Variants in EPM2A observed in about 807,000 individuals in gnomAD.
The protein encoded by EPM2A is EPM2A glucan phosphatase, laforin, also known as laforin.
In EPM2A, 21 loss-of-function variants were observed where a neutral mutation model predicts 26.5. The observed-to-expected ratio is 0.79, with a 90% CI of 0.56 to 1.14. EPM2A has a LOEUF of 1.14. EPM2A is among the 50% of genes most tolerant of loss of function. The probability of loss-of-function intolerance (pLI) is 0.00; values close to 1 mark genes in which losing one functional copy is unlikely to be tolerated. For synonymous variants in EPM2A, 217 were observed against 177.6 expected, an observed-to-expected ratio of 1.22 and a Z score of -1.76; for missense variants, 458 against 440.8, an observed-to-expected ratio of 1.04 and a Z score of -0.35.
At position 145,729,184 on chromosome 6, in the gene EPM2A, A is replaced by T. The variant is rs369292766; in HGVS notation, c.301+6014T>A. 1.4e-4 allele frequency among the ~76,000 whole-genome samples: 22 copies of T among 152,348 alleles called. No individual in the cohort carries two copies. The South Asian group carries it at 2.5e-3, about 17-fold the overall frequency. ...CCAGGCAGAAGTCTGCTGCAGCAGC[A>T]GAGCCCTCAGTGAGAACCTCTACTA... On this transcript the variant is annotated intron_variant, in intron 1 of 3. Coordinates refer to ENST00000367519, the MANE Select transcript of EPM2A (RefSeq NM_005670.4).
intron 2 of EPM2A, among the ~76,000 whole-genome samples, chr6:145,667,030 T>C (rs368457951): frequency 1.3e-4 from 16 of 127,126 alleles, no homozygotes; most frequent in Non-Finnish European, 9.6e-5. Flanking sequence ...GGATTAAAGA[T>C]TTAAATGTTA....
intron 4 of EPM2A, among the ~76,000 whole-genome samples, chr6:145,461,104 C>A (rs1779324424): frequency 6.6e-6 from 1 of 152,152 alleles, no homozygotes; most frequent in Non-Finnish European, 1.5e-5. Flanking sequence ...GTATTCTCAA[C>A]CTTTATCAAC....
intron 4 of EPM2A, among the ~76,000 whole-genome samples, chr6:145,482,900 A>G (rs1457747876): frequency 2.0e-5 from 3 of 150,410 alleles, no homozygotes; most frequent in Non-Finnish European, 4.4e-5. Context: ...GAACAGCTTC[A>G]AGGGCAAGCA....
downstream of EPM2A, among the ~76,000 whole-genome samples, chr6:145,621,880 T>C (rs1400784204): frequency 4.6e-5 from 7 of 152,220 alleles, no homozygotes; most frequent in Non-Finnish European, 2.9e-5. Context: ...AAATATTCCA[T>C]TGTGTAGGTT....
In EPM2A at chr6:145,465,789, G is replaced by C. The variant is rs1174675859; in HGVS notation, c.555+36733C>G. Among the ~76,000 whole-genome samples, 4 of 152,024 alleles carry C rather than the reference G, an allele frequency of 2.6e-5. No homozygotes were observed. In the East Asian group the frequency reaches 5.8e-4, roughly 22 times the overall value. ...AGCATGGTACTGGTACCAAAACAGA[G>C]ATATAGATCAATGGAACAGAACAGA... is the stretch of plus-strand genomic sequence containing the variant. On this transcript the variant is annotated intron_variant, in intron 4 of 4. Coordinates refer to the EPM2A transcript ENST00000638717.
chr6:145,426,149 C>T (rs910776227), intron 4 of EPM2A, among the ~76,000 whole-genome samples: 1 of 152,202 alleles, frequency 6.6e-6, no homozygotes, highest in Non-Finnish European at 1.5e-5. Context: ...GCAATCTTCA[C>T]TCTCAGAAAA....
chr6:145,396,943 C>A (rs1778413036), intron 4 of EPM2A, among the ~76,000 whole-genome samples: 1 of 152,312 alleles, frequency 6.6e-6, no homozygotes, highest in South Asian at 2.1e-4. Flanking sequence ...TGTTTAAAAC[C>A]TGGCCAATCC....
At chr6:145,696,820 TG>T (rs1781613928) in intron 1 of EPM2A, among the ~76,000 whole-genome samples, 2 of 139,298 alleles carry the variant, frequency 1.4e-5, no homozygotes, top group African/African-American at 5.5e-5. Context: ...TGTGTGTGTG[TG>T]TGTGTGGTGT....
intron 4 of EPM2A, among the ~76,000 whole-genome samples, chr6:145,479,317 G>GTA (rs146664619): frequency 0.026 from 3,811 of 145,356 alleles, 81 homozygotes; most frequent in East Asian, 0.092. Flanking sequence ...ATATATATGT[G>GTA]TATATATATA....
intron 2 of EPM2A, among the ~76,000 whole-genome samples, chr6:145,656,349 G>A (rs1021619916): frequency 1.3e-5 from 2 of 152,222 alleles, no homozygotes; most frequent in African/African-American, 4.8e-5. Context: ...CCTCCACAGT[G>A]TGGAGAAAGG....
At chr6:145,386,104 T>A (rs754074541) in intron 4 of EPM2A, among the ~76,000 whole-genome samples, 2 of 151,806 alleles carry the variant, frequency 1.3e-5, no homozygotes, top group African/African-American at 4.8e-5. Flanking sequence ...TTTAAAATAA[T>A]AAAAAAAAGA....
chr6:145,403,402 C>T (rs554662725), intron 4 of EPM2A, among the ~76,000 whole-genome samples: 126 of 151,146 alleles, frequency 8.3e-4, no homozygotes, highest in African/African-American at 2.9e-3. Context: ...AACCACCACC[C>T]CCTGATGCCC....
chr6:145,471,741 T>C (rs894534399), intron 4 of EPM2A, among the ~76,000 whole-genome samples: 5 of 152,144 alleles, frequency 3.3e-5, no homozygotes, highest in African/African-American at 1.2e-4. Flanking sequence ...TATTTCAGCA[T>C]TCCAAACTTG....
At chr6:145,386,922 G>T (rs1778269774) in intron 4 of EPM2A, among the ~76,000 whole-genome samples, 1 of 152,028 alleles carries the variant, frequency 6.6e-6, no homozygotes, top group African/African-American at 2.4e-5. Context: ...TGTTTAAAAA[G>T]ACTTTTTCAG....
intron 1 of EPM2A, among the ~76,000 whole-genome samples, chr6:145,703,206 C>T (rs1782025612): frequency 6.6e-6 from 1 of 151,940 alleles, no homozygotes; most frequent in South Asian, 2.1e-4. Flanking sequence ...ACTCTCCTGC[C>T]TCAGCCTCCC....
rs1779735944 is a variant in EPM2A at position 145,490,112 on chromosome 6, G to A, written c.555+12410C>T. ...CACCTTCCCAATTTGTTATATAATA[G>A]TCATTGATATGTCACAGGTTCAGTT... On this transcript the variant is annotated intron_variant, in intron 4 of 4. Transcript: ENST00000638717. 5.8e-6 allele frequency: 7 copies of A among 1,196,726 alleles called. 1 individual carries two copies. The South Asian group carries it at 5.9e-5, about 10-fold the overall frequency. The allele number at this position is 1,196,726 out of a possible 1,614,324, so 74.1% of individuals were successfully genotyped here. A position where few individuals can be genotyped will look rare whatever the true frequency, so the allele number is the denominator to read the frequency against.
At chr6:145,691,538 A>T (rs1234151831) in intron 1 of EPM2A, among the ~76,000 whole-genome samples, 1 of 152,154 alleles carries the variant, frequency 6.6e-6, no homozygotes, top group East Asian at 1.9e-4. Flanking sequence ...TGAGCACAGT[A>T]AACAAAATTA....
intron 4 of EPM2A, among the ~76,000 whole-genome samples, chr6:145,448,897 C>T (rs538837480): frequency 6.5e-4 from 99 of 152,198 alleles, no homozygotes; most frequent in African/African-American, 2.3e-3. Context: ...TGAGTTACAC[C>T]GATGCTGTCT....
chr6:145,423,484 G>T (rs1047419266), intron 4 of EPM2A, among the ~76,000 whole-genome samples: 2 of 152,178 alleles, frequency 1.3e-5, no homozygotes, highest in East Asian at 3.9e-4. Flanking sequence ...ATGGAAGGGG[G>T]AAGCCTGTTC....
Sources: gnomAD v4.1 joint callset for allele counts (sites outside exome capture counted in the v4.1 genomes callset) on GRCh38, gnomAD v4.1.1 for gene constraint, MANE v1.5 for transcripts, NCBI Gene and HGNC (gene_info 2026-07-23, HGNC 2026-07-21) for gene names.